The following CAPN9 variants were observed in gnomAD, a reference collection of about 807,000 sequenced individuals.
The protein encoded by CAPN9 is calpain 9, also known as calpain-9.
Under a neutral mutation model 92.8 loss-of-function variants are expected in CAPN9, and 81 were observed. The ratio of observed to expected loss-of-function variants is 0.87; its 90% CI spans 0.73 to 1.05. The LOEUF is 1.05. Ranked by LOEUF, CAPN9 falls within the 50% of genes least tolerant of loss-of-function variation. The pLI, the probability that CAPN9 is intolerant of heterozygous loss-of-function variation, is 0.00. For missense variants in CAPN9, 848 were observed against 866.2 expected, an observed-to-expected ratio of 0.98 and a Z score of 0.26; for synonymous variants, 304 against 328.0, an observed-to-expected ratio of 0.93 and a Z score of 0.79.
intron 8 of CAPN9, among the ~76,000 whole-genome samples, chr1:230,778,324 C>T (rs570108185): frequency 6.6e-6 from 1 of 152,334 alleles, no homozygotes; most frequent in African/African-American, 2.4e-5. Flanking sequence ...CTCACTTGGA[C>T]ACCGGCACTA....
At chr1:230,765,132 A>G (rs1315298124) in intron 4 of CAPN9, among the ~76,000 whole-genome samples, 2 of 152,020 alleles carry the variant, frequency 1.3e-5, no homozygotes, top group Non-Finnish European at 2.9e-5. Context: ...ACATACATAT[A>G]TATACACATA....
intron 4 of CAPN9, among the ~76,000 whole-genome samples, chr1:230,763,620 G>C (rs1448865821): frequency 6.6e-6 from 1 of 152,116 alleles, no homozygotes; most frequent in African/African-American, 2.4e-5. Flanking sequence ...AGAGCTCCTG[G>C]GAGCCACTTT....
chr1:230,762,841 G>A, intron 4 of CAPN9, 55 bp downstream of exon 4: 3 of 1,552,838 alleles, frequency 1.9e-6, no homozygotes, highest in Admixed American at 3.9e-5. Flanking sequence ...CTCTACACTA[G>A]TCTTTGTAGT....
At chr1:230,793,360 C>T (rs773586436) in intron 17 of CAPN9, among the ~76,000 whole-genome samples, 12 of 152,208 alleles carry the variant, frequency 7.9e-5, no homozygotes, top group Admixed American at 1.3e-4. Flanking sequence ...GGGGTCCGCA[C>T]GTCCCTCTGC....
chr1:230,764,084 A>G (rs1315845043), intron 4 of CAPN9, among the ~76,000 whole-genome samples: 1 of 152,236 alleles, frequency 6.6e-6, no homozygotes. Flanking sequence ...AAAACTGTAT[A>G]GATGGTGTTA....
intron 16 of CAPN9, 66 bp from the exon 17 acceptor site, chr1:230,792,784 T>C (rs1668093411): frequency 1.5e-6 from 2 of 1,366,272 alleles, no homozygotes; most frequent in African/African-American, 1.4e-5. Flanking sequence ...CTGTCACCCA[T>C]TTACTGCCAT....
At chr1:230,795,037 A>G in intron 17 of CAPN9, 126 bp from the exon 18 acceptor site, 1 of 668,662 alleles carries the variant, frequency 1.5e-6, no homozygotes, top group Non-Finnish European at 2.7e-6. Flanking sequence ...CCCAGCTTTG[A>G]GGAGTGAAAC....
At chr1:230,789,607 A>T (rs1045580666) in intron 13 of CAPN9, among the ~76,000 whole-genome samples, 2 of 151,510 alleles carry the variant, frequency 1.3e-5, no homozygotes, top group Non-Finnish European at 2.9e-5. Flanking sequence ...TCTGAAATTC[A>T]CCCTTATTCT....
chr1:230,749,645 T>C (rs1664641430), intron 1 of CAPN9, among the ~76,000 whole-genome samples: 1 of 152,190 alleles, frequency 6.6e-6, no homozygotes, highest in South Asian at 2.1e-4. Context: ...TTCATACAGA[T>C]GCTCATGTTC....
In CAPN9 at chr1:230,780,295, T is replaced by A; in HGVS notation, c.1231T>A (p.Phe411Ile). 1.2e-6 allele frequency: 2 copies of A among 1,614,088 alleles called. No homozygotes were observed. The highest frequency in any genetic ancestry group is 1.7e-6 in the Non-Finnish European group (2 of 1,180,012). ...GAAAGATAGAAGGAAACTCAAGAGA[T>A]TTGGTGCCAATGTGCTGACAATCGG... The part of the protein sequence containing the change: ...MQKDRRKLKR[F>I]GANVLTIGYA... Residue 411 changes from phenylalanine (F) to isoleucine (I), a missense_variant, in exon 10 of 20, where the codon TTT (phenylalanine) becomes ATT (isoleucine). Transcript: ENST00000271971.
chr1:230,792,755 G>C (rs375187947), intron 16 of CAPN9, 95 bp from the exon 17 acceptor site: 2 of 1,060,874 alleles, frequency 1.9e-6, no homozygotes, highest in Non-Finnish European at 2.9e-6. Context: ...GCCCCTAGAG[G>C]GTAGCTCCCC....
rs769044462 is a variant in CAPN9, at chr1:230,759,510, AG to A, written c.284del. ...TTGTGATTTATGGCTTCCATTTTGC[AG>A]GAGACTGCTGGCTATTAGCCGCCAT... On this transcript the variant is annotated splice_acceptor_variant, in intron 2 of 19. Coordinates refer to ENST00000271971, the MANE Select transcript of CAPN9 (RefSeq NM_006615.3). LOFTEE classifies it high-confidence loss of function. 6.3e-7 allele frequency: 1 copy of A among 1,593,518 alleles called. No homozygotes were observed. Among genetic ancestry groups the A allele is most frequent in the East Asian group, 2.3e-5 (1 of 44,086 alleles).
chr1:230,753,890 G>A (rs1174109513), intron 1 of CAPN9, among the ~76,000 whole-genome samples: 1 of 128,712 alleles, frequency 7.8e-6, no homozygotes, highest in Non-Finnish European at 1.6e-5. Flanking sequence ...GTGCTCCTCT[G>A]CTTCCCCCAG....
At chr1:230,754,158 G>A (rs1365210004) in intron 1 of CAPN9, among the ~76,000 whole-genome samples, 1 of 152,062 alleles carries the variant, frequency 6.6e-6, no homozygotes, top group Non-Finnish European at 1.5e-5. Context: ...GCTTCCGAGA[G>A]CACCGCCCTC....
At chr1:230,758,724 G>A (rs192441309) in intron 2 of CAPN9, among the ~76,000 whole-genome samples, 10 of 152,282 alleles carry the variant, frequency 6.6e-5, no homozygotes, top group Admixed American at 2.6e-4. Context: ...TTCTGATGAC[G>A]TTGATGTTGT....
At chr1:230,758,383 T>A (rs1665393253) in intron 2 of CAPN9, among the ~76,000 whole-genome samples, 1 of 152,132 alleles carries the variant, frequency 6.6e-6, no homozygotes, top group Admixed American at 6.5e-5. Flanking sequence ...GAACAAACGA[T>A]CCTGCAGGTT....
At chr1:230,772,134 C>A in intron 7 of CAPN9, 35 bp downstream of exon 7, 1 of 1,576,456 alleles carries the variant, frequency 6.3e-7, no homozygotes, top group Non-Finnish European at 8.7e-7. Flanking sequence ...TGGCTGGTTC[C>A]CGGGGCGTGT....
chr1:230,761,630 G>A (rs1372135721), intron 3 of CAPN9, among the ~76,000 whole-genome samples: 1 of 151,892 alleles, frequency 6.6e-6, no homozygotes, highest in Non-Finnish European at 1.5e-5. Context: ...CACTGATGCA[G>A]CAAGATGCTC....
intron 1 of CAPN9, chr1:230,752,839 G>A: frequency 3.6e-6 from 1 of 278,992 alleles, no homozygotes; most frequent in Non-Finnish European, 5.4e-6. Flanking sequence ...GGCACATTCT[G>A]CAGCAAGCCC....
Sources: allele counts gnomAD v4.1 joint callset (sites outside exome capture counted in the v4.1 genomes callset), GRCh38; gene constraint gnomAD v4.1.1; transcripts MANE v1.5; gene names NCBI Gene and HGNC (gene_info 2026-07-23, HGNC 2026-07-21).